TTLL5: variants seen among roughly 807,000 people sequenced by gnomAD.
TTLL5 encodes tubulin polyglutamylase TTLL5.
Under a neutral mutation model 168.4 loss-of-function variants are expected in TTLL5, and 132 were observed. The ratio of observed to expected loss-of-function variants is 0.78; its 90% CI spans 0.68 to 0.91. The LOEUF (loss-of-function observed/expected upper bound fraction) is 0.91. Among genes scored for constraint, TTLL5 ranks in the 40% least tolerant of loss-of-function variants. The pLI, the probability that TTLL5 is intolerant of heterozygous loss-of-function variation, is 0.00. For synonymous variants in TTLL5, 546 were observed against 558.6 expected, an observed-to-expected ratio of 0.98 and a Z score of 0.32; for missense variants, 1,545 against 1,581.5, an observed-to-expected ratio of 0.98 and a Z score of 0.39.
At chr14:75,778,605 T>C (rs867682977) in intron 23 of TTLL5, among the ~76,000 whole-genome samples, 16 of 152,200 alleles carry the variant, frequency 1.1e-4, no homozygotes, top group African/African-American at 3.9e-4. Context: ...GGTTAGAGTG[T>C]GTTTTCTGAA....
intron 2 of TTLL5, among the ~76,000 whole-genome samples, chr14:75,665,932 T>C (rs1303049966): frequency 6.6e-6 from 1 of 152,204 alleles, no homozygotes; most frequent in Admixed American, 6.5e-5. Flanking sequence ...TATGGTTCGT[T>C]GCCTATATTC....
intron 7 of TTLL5, 40 bp from the exon 8 acceptor site, chr14:75,706,978 G>T: frequency 6.7e-7 from 1 of 1,501,294 alleles, no homozygotes; most frequent in Non-Finnish European, 9.3e-7. Context: ...TAGGATTCCT[G>T]TGTATTTCTA....
chr14:75,769,139 T>G (rs1326456082), intron 20 of TTLL5, among the ~76,000 whole-genome samples: 1 of 152,208 alleles, frequency 6.6e-6, no homozygotes, highest in African/African-American at 2.4e-5. Flanking sequence ...AGAAATAAAT[T>G]ATTTCTTCAT....
At position 75,882,687 on chromosome 14, in the gene TTLL5, A is replaced by G. The variant is rs750355081; in HGVS notation, c.3525A>G (p.Ala1175=). 1.3e-5 allele frequency: 21 copies of G among 1,602,306 alleles called. No individual in the cohort carries two copies. The South Asian group carries it at 2.4e-4, about 18-fold the overall frequency. The change falls in exon 30 of 32, where the codon GCA becomes GCG. Residue 1175 remains alanine (A), a splice_region_variant and synonymous_variant. Transcript: ENST00000298832. ...LLDQSRARHQ[A]IFGSQTLPNS... ...TTTTTTTCCTTTTTTTTTTGTAGGC[A>G]ATCTTTGGCAGCCAGACACTACCTA...
intron 30 of TTLL5, among the ~76,000 whole-genome samples, chr14:75,885,550 G>A (rs1016115911): frequency 3.3e-5 from 5 of 152,242 alleles, no homozygotes; most frequent in Admixed American, 6.5e-5. Context: ...TTGCCATGGG[G>A]CATTTGAGGA....
chr14:75,931,182 C>T (rs914478298), intron 31 of TTLL5, among the ~76,000 whole-genome samples: 20 of 152,008 alleles, frequency 1.3e-4, no homozygotes, highest in African/African-American at 4.6e-4. Context: ...TAGTACTTCT[C>T]CTGCTCACAC....
At chr14:75,923,758 ATGTCCT>A (rs996218197) in intron 31 of TTLL5, among the ~76,000 whole-genome samples, 3 of 152,112 alleles carry the variant, frequency 2.0e-5, no homozygotes, top group African/African-American at 7.2e-5. Flanking sequence ...CAAGTCCTAG[ATGTCCT>A]TGTTAATTTT....
intron 6 of TTLL5, among the ~76,000 whole-genome samples, chr14:75,698,288 C>T (rs755884116): frequency 8.5e-5 from 13 of 152,140 alleles, no homozygotes; most frequent in South Asian, 2.1e-4. Flanking sequence ...TCTCTTTTCA[C>T]GATCCAAAGG....
chr14:75,779,694 C>CAA lies in TTLL5; in HGVS notation c.2510_2511dup (p.Gly838LysfsTer8), dbSNP rs1891929068. The CAA allele has an allele frequency of 1.2e-6, 2 of 1,610,404 alleles. No homozygotes were observed. The highest frequency in any genetic ancestry group is 2.7e-5 in the African/African-American group (2 of 74,580). On this transcript the variant is annotated frameshift_variant, in exon 24 of 32. Coordinates refer to ENST00000298832, the MANE Select transcript of TTLL5 (RefSeq NM_015072.5). LOFTEE classifies it high-confidence loss of function. ...AACAACAATTATTCTGATAGTGGGG[C>CAA]AAAAGGTGGTAAGTATACTGGTTAA...
At chr14:75,825,676 TA>T (rs553101479) in intron 28 of TTLL5, among the ~76,000 whole-genome samples, 2 of 151,920 alleles carry the variant, frequency 1.3e-5, no homozygotes, top group South Asian at 2.1e-4. Flanking sequence ...TGGGGGGGAC[TA>T]AAAAAAATTC....
chr14:75,777,600 T>A (rs1275548248), intron 23 of TTLL5, among the ~76,000 whole-genome samples: 1 of 152,128 alleles, frequency 6.6e-6, no homozygotes, highest in East Asian at 1.9e-4. Context: ...CTGGAGGATT[T>A]TTTTCTAAAT....
intron 28 of TTLL5, among the ~76,000 whole-genome samples, chr14:75,839,573 A>G (rs1034803440): frequency 3.3e-5 from 5 of 152,238 alleles, no homozygotes; most frequent in African/African-American, 9.6e-5. Flanking sequence ...AATGAGTGCC[A>G]GCAGGGGAAA....
chr14:75,779,794 C>A lies in TTLL5; in HGVS notation c.2515+92C>A. ...AATGAGGAATAATGTGTTGGCTAAGCACTAATAGTCCCCAAGGTAATGAGA... is the reference window on the plus strand; with the variant it reads ...AATGAGGAATAATGTGTTGGCTAAGAACTAATAGTCCCCAAGGTAATGAGA... On this transcript the variant is annotated intron_variant, in intron 24 of 31. Coordinates refer to ENST00000298832, the MANE Select transcript of TTLL5 (RefSeq NM_015072.5). 5 of 1,306,754 alleles carry A rather than the reference C, an allele frequency of 3.8e-6. No homozygotes were observed. The South Asian group carries it at 8.2e-5, about 21-fold the overall frequency. The allele number at this position is 1,306,754 out of a possible 1,614,324, so 80.9% of individuals were successfully genotyped here. A position where few individuals can be genotyped will look rare whatever the true frequency, so the allele number is the denominator to read the frequency against.
chr14:75,749,481 T>C (rs553776032), intron 17 of TTLL5, among the ~76,000 whole-genome samples: 4 of 152,306 alleles, frequency 2.6e-5, no homozygotes, highest in South Asian at 4.2e-4. Context: ...GCACTTCCTG[T>C]TGAGCTTCAG....
chr14:75,804,150 C>G (rs1893511477), intron 27 of TTLL5, among the ~76,000 whole-genome samples: 1 of 152,058 alleles, frequency 6.6e-6, no homozygotes, highest in Non-Finnish European at 1.5e-5. Flanking sequence ...ATACTTTTTG[C>G]TCTTCACATT....
In TTLL5 at chr14:75,773,927, T is replaced by TAG. The variant is rs1266575647; in HGVS notation, c.2137-1529_2137-1528dup. ...AAATACATATATATATATATATATA[T>TAG]AGAGAGAGAGAGAGAGAGAGAGAGA... On this transcript the variant is annotated intron_variant, in intron 21 of 31. Transcript: ENST00000298832. 4.2e-3 allele frequency among the ~76,000 whole-genome samples: 89 copies of TAG among 21,062 alleles called. 1 individual carries two copies. The highest frequency in any genetic ancestry group is 0.022 in the East Asian group (22 of 998). 13.8% of individuals were successfully genotyped at this position (21,062 alleles called of 152,430 possible). A position where few individuals can be genotyped will look rare whatever the true frequency, so the allele number is the denominator to read the frequency against.
intron 24 of TTLL5, among the ~76,000 whole-genome samples, chr14:75,780,237 A>G (rs1033447983): frequency 4.6e-5 from 7 of 152,176 alleles, no homozygotes; most frequent in Non-Finnish European, 7.4e-5. Flanking sequence ...ACTTAACATC[A>G]TTGGCATTTT....
intron 27 of TTLL5, among the ~76,000 whole-genome samples, chr14:75,793,704 T>A (rs1011391682): frequency 6.6e-6 from 1 of 152,196 alleles, no homozygotes; most frequent in Admixed American, 6.5e-5. Context: ...TATATAGATA[T>A]TAACAATCTT....
chr14:75,739,869 T>C (rs1243271954), intron 15 of TTLL5, among the ~76,000 whole-genome samples: 1 of 152,216 alleles, frequency 6.6e-6, no homozygotes, highest in African/African-American at 2.4e-5. Context: ...AGTCTTTTGA[T>C]TTTCCCATTG....
Sources: allele counts gnomAD v4.1 joint callset (sites outside exome capture counted in the v4.1 genomes callset), GRCh38; gene constraint gnomAD v4.1.1; transcripts MANE v1.5; gene names NCBI Gene and HGNC (gene_info 2026-07-23, HGNC 2026-07-21).